ARHGAP15: variants seen among roughly 807,000 people sequenced by gnomAD.
ARHGAP15 encodes the protein rho GTPase-activating protein 15.
ARHGAP15 carries 51 observed loss-of-function variants against 63.7 expected under a neutral mutation model. That is an observed-to-expected ratio of 0.80 (90% CI 0.64 to 1.01). ARHGAP15 has a LOEUF of 1.01. Among genes scored for constraint, ARHGAP15 ranks in the 50% least tolerant of loss-of-function variants. ARHGAP15 has a pLI of 0.00. For synonymous variants in ARHGAP15, 191 were observed against 193.8 expected (o/e 0.99, Z 0.12); for missense variants, 560 against 564.6 (o/e 0.99, Z 0.08).
chr2:143,351,975 T>G (rs1290691969), intron 6 of ARHGAP15, among the ~76,000 whole-genome samples: 2 of 152,334 alleles, frequency 1.3e-5, no homozygotes, highest in East Asian at 1.9e-4. Context: ...GATGTGGATT[T>G]CCTAGATACC....
intron 12 of ARHGAP15, among the ~76,000 whole-genome samples, chr2:143,635,243 G>A (rs1680254151): frequency 8.9e-6 from 1 of 112,416 alleles, no homozygotes; most frequent in Non-Finnish European, 1.7e-5. Flanking sequence ...TGTAAAGACA[G>A]GGTCTCACTA....
At chr2:143,175,452 A>G (rs1427994518) in intron 2 of ARHGAP15, among the ~76,000 whole-genome samples, 1 of 152,176 alleles carries the variant, frequency 6.6e-6, no homozygotes, top group South Asian at 2.1e-4. Flanking sequence ...AAATGACCTG[A>G]TAGCCTTTTG....
intron 10 of ARHGAP15, chr2:143,533,294 CAA>C (rs1235003425): frequency 1.3e-5 from 2 of 152,166 alleles, no homozygotes; most frequent in South Asian, 2.1e-4. Flanking sequence ...ACCCCGAAAA[CAA>C]GAGAAGACGT....
chr2:143,632,725 T>C (rs1265826410), intron 12 of ARHGAP15, among the ~76,000 whole-genome samples: 10 of 152,164 alleles, frequency 6.6e-5, no homozygotes, highest in Admixed American at 5.2e-4. Context: ...TAATGGTTTT[T>C]CCCCCCATGG....
chr2:143,497,757 G>A (rs1043015718), intron 9 of ARHGAP15, among the ~76,000 whole-genome samples: 1 of 152,140 alleles, frequency 6.6e-6, no homozygotes, highest in Admixed American at 6.6e-5. Flanking sequence ...ATTCTGACCT[G>A]GAGATTGATT....
intron 6 of ARHGAP15, among the ~76,000 whole-genome samples, chr2:143,434,388 T>C (rs1689518497): frequency 6.6e-6 from 1 of 152,100 alleles, no homozygotes; most frequent in Admixed American, 6.6e-5. Context: ...TATATGCACA[T>C]ATGTAACAGA....
chr2:143,764,305 A>G (rs939464744), intron 13 of ARHGAP15, among the ~76,000 whole-genome samples: 1 of 152,190 alleles, frequency 6.6e-6, no homozygotes, highest in Non-Finnish European at 1.5e-5. Flanking sequence ...AGGGAGACTC[A>G]GACATGCAGG....
chr2:143,622,629 A>G (rs764806576), intron 11 of ARHGAP15, among the ~76,000 whole-genome samples: 2 of 152,104 alleles, frequency 1.3e-5, no homozygotes, highest in African/African-American at 4.8e-5. Flanking sequence ...GTATCACATT[A>G]TTGTGTTATG....
intron 5 of ARHGAP15, among the ~76,000 whole-genome samples, chr2:143,234,508 A>G (rs56154353): frequency 2.6e-5 from 4 of 152,306 alleles, no homozygotes; most frequent in African/African-American, 7.2e-5. Flanking sequence ...CCAGAGACTG[A>G]CTATCTCAAT....
chr2:143,400,680 T>G (rs1003579425), intron 6 of ARHGAP15, among the ~76,000 whole-genome samples: 1 of 152,040 alleles, frequency 6.6e-6, no homozygotes, highest in Non-Finnish European at 1.5e-5. Context: ...ATACGTTGAC[T>G]GTGCTGTCTA....
chr2:143,320,411 C>CCCCCCCCCCCCCCG (rs1683960781), intron 6 of ARHGAP15, among the ~76,000 whole-genome samples: 1 of 40,692 alleles, frequency 2.5e-5, no homozygotes, highest in Non-Finnish European at 6.0e-5. Flanking sequence ...CTTCCCCACC[C>CCCCCCCCCCCCCCG]CCCCCCCCCC....
rs527788252 is a variant in ARHGAP15 at position 143,661,827 on chromosome 2, G to A, written c.1138+37560G>A. The stretch of plus-strand genomic sequence containing the variant: ...GGGTGACGGACGCACCTGGAAAATC[G>A]GGTCACTCCCACCCGAATATTACGC... On this transcript the variant is annotated intron_variant, in intron 12 of 13. Coordinates refer to ENST00000295095, the MANE Select transcript of ARHGAP15 (RefSeq NM_018460.4). 9.8e-4 allele frequency among the ~76,000 whole-genome samples: 150 copies of A among 152,298 alleles called. 1 individual carries two copies. Among genetic ancestry groups the A allele is most frequent in the African/African-American group, 3.5e-3 (144 of 41,564 alleles).
intron 6 of ARHGAP15, among the ~76,000 whole-genome samples, chr2:143,372,895 A>G (rs1173522372): frequency 6.6e-6 from 1 of 151,960 alleles, no homozygotes; most frequent in Non-Finnish European, 1.5e-5. Context: ...CATTTCACTG[A>G]TGAGTAGTGA....
chr2:143,699,014 T>C (rs868660352), intron 12 of ARHGAP15, among the ~76,000 whole-genome samples: 9 of 152,320 alleles, frequency 5.9e-5, no homozygotes, highest in Middle Eastern at 6.8e-3. Context: ...ACTGAATCAA[T>C]TGAAGACAGT....
In ARHGAP15 at chr2:143,661,889, T is replaced by C. The variant is rs558734669; in HGVS notation, c.1138+37622T>C. On this transcript the variant is annotated intron_variant, in intron 12 of 13. Coordinates refer to ENST00000295095, the MANE Select transcript of ARHGAP15 (RefSeq NM_018460.4). The stretch of plus-strand genomic sequence containing the variant: ...GCTTAAAAAATGGCGCACCACGAGA[T>C]TATATCCCGCACCTGGCTCGGAGGG... 2.4e-4 allele frequency among the ~76,000 whole-genome samples: 37 copies of C among 152,254 alleles called. No homozygotes were observed. The South Asian group carries it at 5.4e-3, about 22-fold the overall frequency.
chr2:143,515,773 T>G (rs1319684632), intron 9 of ARHGAP15, among the ~76,000 whole-genome samples: 1 of 152,202 alleles, frequency 6.6e-6, no homozygotes, highest in East Asian at 1.9e-4. Flanking sequence ...ATTACTTATA[T>G]GTAGAAAATC....
rs1273747990 is a variant in ARHGAP15 at position 143,201,286 on chromosome 2, T to TA, written c.166-839dup. ...GTGTGTGCCACCATGCCTAGCTAAT[T>TA]AAAAAAAAATTTTTTTTGTAGAGTT... On this transcript the variant is annotated intron_variant, in intron 2 of 13. Coordinates refer to ENST00000295095, the MANE Select transcript of ARHGAP15 (RefSeq NM_018460.4). 2.6e-5 allele frequency among the ~76,000 whole-genome samples: 4 copies of TA among 151,090 alleles called. No individual in the cohort carries two copies. The East Asian group carries it at 5.9e-4, about 22-fold the overall frequency.
At chr2:143,663,650 T>A (rs1468088953) in intron 12 of ARHGAP15, among the ~76,000 whole-genome samples, 2 of 152,128 alleles carry the variant, frequency 1.3e-5, no homozygotes, top group Non-Finnish European at 2.9e-5. Flanking sequence ...GACCCATCAG[T>A]GTGCTGTATT....
At chr2:143,171,963 G>A (rs990445658) in intron 2 of ARHGAP15, 1 of 151,988 alleles carries the variant, frequency 6.6e-6, no homozygotes, top group Non-Finnish European at 1.5e-5. Context: ...ACCATCTTTA[G>A]AATGTAGTTT....
Sources: gnomAD v4.1 joint callset for allele counts (sites outside exome capture counted in the v4.1 genomes callset) on GRCh38, gnomAD v4.1.1 for gene constraint, MANE v1.5 for transcripts, NCBI Gene and HGNC (gene_info 2026-07-23, HGNC 2026-07-21) for gene names.